TJP2: variants seen among roughly 807,000 people sequenced by gnomAD.
The protein encoded by TJP2 is tight junction protein 2.
In TJP2, 91 loss-of-function variants were observed where a neutral mutation model predicts 133.1. That is an observed-to-expected ratio of 0.68 (90% CI 0.58 to 0.81). The LOEUF (loss-of-function observed/expected upper bound fraction) is 0.81, where lower values mean the gene tolerates loss of function less well. Among genes scored for constraint, TJP2 ranks in the 40% least tolerant of loss-of-function variants. TJP2 has a pLI of 0.00. For synonymous variants in TJP2, 592 were observed against 583.4 expected (o/e 1.01, Z -0.21); for missense variants, 1,541 against 1,565.6 (o/e 0.98, Z 0.26).
At chr9:69,214,152 C>T (rs539648098) in intron 2 of TJP2, among the ~76,000 whole-genome samples, 2 of 152,150 alleles carry the variant, frequency 1.3e-5, no homozygotes, top group African/African-American at 2.4e-5. Context: ...ATTGCATGAT[C>T]TCAGCTCACT....
intron 2 of TJP2, among the ~76,000 whole-genome samples, chr9:69,215,259 C>T (rs952475295): frequency 2.0e-5 from 3 of 152,116 alleles, no homozygotes; most frequent in African/African-American, 4.8e-5. Flanking sequence ...AAGCCCAAAC[C>T]TCAGCATCAG....
intron 1 of TJP2, among the ~76,000 whole-genome samples, chr9:69,129,946 C>T (rs1003494020): frequency 1.4e-5 from 2 of 141,054 alleles, no homozygotes; most frequent in African/African-American, 2.7e-5. Context: ...ACCCGGGAGG[C>T]GGAGGTTGCA....
rs547186267 is a variant in TJP2, at chr9:69,204,945, G to A, written c.61-7603G>A. The A allele has an allele frequency of 1.2e-5, 16 of 1,293,254 alleles. No homozygotes were observed. The South Asian group carries it at 3.5e-4, about 28-fold the overall frequency. The allele number at this position is 1,293,254 out of a possible 1,614,324, so 80.1% of individuals were successfully genotyped here. A position where few individuals can be genotyped will look rare whatever the true frequency, so the allele number is the denominator to read the frequency against. On this transcript the variant is annotated intron_variant, in intron 1 of 22. Transcript: ENST00000377245. Reference sequence around the variant, plus strand: ...AGAGAAAGAAAGCTGTTGAAGTGGTGCAAATCCAAACTGCTTTCTTTTTTG... The same window carrying A: ...AGAGAAAGAAAGCTGTTGAAGTGGTACAAATCCAAACTGCTTTCTTTTTTG...
upstream of TJP2, chr9:69,174,153 C>T (rs995199932): frequency 3.9e-6 from 5 of 1,267,430 alleles, no homozygotes; most frequent in Non-Finnish European, 5.0e-6. Flanking sequence ...TTTCCCGGGC[C>T]GGGCGGCCAG....
intron 1 of TJP2, among the ~76,000 whole-genome samples, chr9:69,150,812 A>C (rs1823436536): frequency 6.6e-6 from 1 of 152,240 alleles, no homozygotes; most frequent in Non-Finnish European, 1.5e-5. Flanking sequence ...GTCCACATAA[A>C]CAATTGTACA....
chr9:69,250,515 C>T (rs1043582929), intron 20 of TJP2, among the ~76,000 whole-genome samples: 6 of 152,138 alleles, frequency 3.9e-5, no homozygotes, highest in East Asian at 1.9e-4. Flanking sequence ...AATACATCAG[C>T]GAAAATTTGC....
At position 69,151,731 on chromosome 9, in the gene TJP2, G is replaced by A; in HGVS notation, c.-50G>A. ...TGCAGCTCCAGGAGCAAGTACTCCA[G>A]GAAGCACAGAGCTGTACCAGTACAC... On this transcript the variant is annotated 5_prime_UTR_variant, in exon 2 of 6. Coordinates refer to the TJP2 transcript ENST00000423935. 2.4e-6 allele frequency: 3 copies of A among 1,232,122 alleles called. No individual in the cohort carries two copies. In the East Asian group the frequency reaches 9.5e-5, roughly 39 times the overall value. 76.3% of individuals were successfully genotyped at this position (1,232,122 alleles called of 1,614,324 possible). A position where few individuals can be genotyped will look rare whatever the true frequency, so the allele number is the denominator to read the frequency against.
Position 69,221,250 on chromosome 9 carries a change from G to T in TJP2, c.706G>T (p.Asp236Tyr). ...DHDFGPSRDR[D>Y]RDRSRGRSID... ...CGACTTTGGGCCATCCCGGGACCGG[G>T]ACCGTGACCGCAGCCGCGGCCGGAG... Residue 236 changes from aspartate to tyrosine, a missense_variant, in exon 5 of 23, where the codon GAC becomes TAC. Asp to Tyr is a radical substitution (Grantham distance 160). Transcript: ENST00000377245. 1.2e-6 allele frequency: 2 copies of T among 1,608,048 alleles called. No homozygotes were observed. Among genetic ancestry groups the T allele is most frequent in the Non-Finnish European group, 1.7e-6 (2 of 1,177,652 alleles).
chr9:69,241,961 C>G (rs867985619), intron 17 of TJP2, among the ~76,000 whole-genome samples: 4 of 152,238 alleles, frequency 2.6e-5, no homozygotes, highest in Admixed American at 6.5e-5. Context: ...GAAGTTAAAA[C>G]TATCCCCACT....
At chr9:69,200,354 C>G (rs182511630) in intron 1 of TJP2, among the ~76,000 whole-genome samples, 4 of 151,496 alleles carry the variant, frequency 2.6e-5, no homozygotes, top group Admixed American at 6.6e-5. Flanking sequence ...GTTAACAACC[C>G]GCCTGTGCCA....
chr9:69,229,156 A>C (rs1829573477), intron 9 of TJP2, 28 bp from the exon 10 acceptor site: 2 of 1,607,352 alleles, frequency 1.2e-6, no homozygotes. Flanking sequence ...GTCCAGATTG[A>C]TAACAGTAGA....
chr9:69,129,878 G>C (rs543562599), intron 1 of TJP2, among the ~76,000 whole-genome samples: 8 of 152,024 alleles, frequency 5.3e-5, no homozygotes, highest in Non-Finnish European at 8.8e-5. Flanking sequence ...TTAGCTGGGC[G>C]TGGTGGCGTG....
chr9:69,218,543 T>C, intron 4 of TJP2, 184 bp downstream of exon 4: 1 of 638,434 alleles, frequency 1.6e-6, no homozygotes, highest in South Asian at 1.7e-5. Flanking sequence ...CTTTTCCTTG[T>C]GTCTTCTCCT....
intron 1 of TJP2, among the ~76,000 whole-genome samples, chr9:69,141,578 A>G (rs1330661026): frequency 6.6e-6 from 1 of 152,130 alleles, no homozygotes; most frequent in African/African-American, 2.4e-5. Context: ...CCGAATGTAT[A>G]TACATTACGG....
intron 2 of TJP2, among the ~76,000 whole-genome samples, chr9:69,162,663 C>T (rs1054569837): frequency 2.0e-5 from 3 of 152,184 alleles, no homozygotes; most frequent in African/African-American, 4.8e-5. Context: ...AAACTCTATT[C>T]TTATGTAGAA....
chr9:69,209,700 G>A (rs1469170049), intron 1 of TJP2, among the ~76,000 whole-genome samples: 1 of 149,774 alleles, frequency 6.7e-6, no homozygotes, highest in Admixed American at 6.6e-5. Flanking sequence ...GTTGCAGTGA[G>A]CCCAGATCGT....
Position 69,249,503 on chromosome 9 carries a change from C to T in TJP2, c.2991+18C>T. 6.3e-7 allele frequency: 1 copy of T among 1,588,742 alleles called. No homozygotes were observed. The highest frequency in any genetic ancestry group is 1.3e-5 in the African/African-American group (1 of 74,368). On this transcript the variant is annotated intron_variant, in intron 20 of 22. Coordinates refer to ENST00000377245, the MANE Select transcript of TJP2 (RefSeq NM_004817.4). Reference sequence around the variant, plus strand: ...CGCCCAAGGTACGTGGCTGGGAAGCCCAGGATGGGAAGGAAGAGGAAGCAG... The same window carrying T: ...CGCCCAAGGTACGTGGCTGGGAAGCTCAGGATGGGAAGGAAGAGGAAGCAG...
At chr9:69,212,641 T>C in intron 2 of TJP2, 40 bp downstream of exon 2, 1 of 1,520,794 alleles carries the variant, frequency 6.6e-7, no homozygotes, top group Non-Finnish European at 9.1e-7. Flanking sequence ...AGTCATGTTC[T>C]TGATTTTACG....
chr9:69,233,981 TTTA>T (rs1229450947), intron 11 of TJP2, among the ~76,000 whole-genome samples: 1 of 152,184 alleles, frequency 6.6e-6, no homozygotes, highest in East Asian at 1.9e-4. Flanking sequence ...TTTGCACACT[TTTA>T]TTTGAACCAG....
Sources: gnomAD v4.1 joint callset for allele counts (sites outside exome capture counted in the v4.1 genomes callset) on GRCh38, gnomAD v4.1.1 for gene constraint, MANE v1.5 for transcripts, NCBI Gene and HGNC (gene_info 2026-07-23, HGNC 2026-07-21) for gene names.